CDKL5: variants seen among roughly 807,000 people sequenced by gnomAD.
The protein encoded by CDKL5 is cyclin-dependent kinase-like 5.
CDKL5 carries 8 observed loss-of-function variants against 61.7 expected under a neutral mutation model. The ratio of observed to expected loss-of-function variants is 0.13; its 90% CI spans 0.08 to 0.23. The LOEUF (loss-of-function observed/expected upper bound fraction) is 0.23. CDKL5 is among the 10% of genes least tolerant of loss of function. The pLI is 1.00. For missense variants in CDKL5, 440 were observed against 734.5 expected (o/e 0.60, Z 4.63); for synonymous variants, 275 against 272.3 (o/e 1.01, Z -0.10).
chrX:18,570,643 G>A (rs1283660137), intron 4 of CDKL5, among the ~76,000 whole-genome samples: 1 of 111,630 alleles, frequency 9.0e-6, no homozygotes, highest in East Asian at 2.8e-4. Context: ...TCAGGTTTGT[G>A]ATTTCACAAA....
chrX:18,607,110 G>A (rs1941783042), intron 12 of CDKL5, among the ~76,000 whole-genome samples: 1 of 111,752 alleles, frequency 8.9e-6, no homozygotes, highest in Non-Finnish European at 1.9e-5. Context: ...GGGATTATGA[G>A]GCAAGCTCCA....
At chrX:18,607,388 G>A (rs1468148518) in intron 12 of CDKL5, among the ~76,000 whole-genome samples, 1 of 112,113 alleles carries the variant, frequency 8.9e-6, no homozygotes, top group African/African-American at 3.2e-5. Flanking sequence ...ACATGGAAGG[G>A]AAAATTGGGT....
At chrX:18,452,112 A>G (rs145155759) in intron 1 of CDKL5, among the ~76,000 whole-genome samples, 2,403 of 111,917 alleles carry the variant, frequency 0.021, 51 homozygotes, top group African/African-American at 0.062. Flanking sequence ...GGATGATTGT[A>G]TTAATAGATT....
chrX:18,593,615 G>C (rs1925896791), intron 9 of CDKL5, among the ~76,000 whole-genome samples: 1 of 111,519 alleles, frequency 9.0e-6, no homozygotes, highest in African/African-American at 3.3e-5. Flanking sequence ...ACAAGACTGG[G>C]TGCAAATACT....
chrX:18,623,012 A>G (rs1162091602), intron 16 of CDKL5, among the ~76,000 whole-genome samples: 1 of 112,019 alleles, frequency 8.9e-6, no homozygotes, highest in Non-Finnish European at 1.9e-5. Flanking sequence ...GACAATTGAG[A>G]TATCCAAAAC....
At chrX:18,540,635 A>ATTCTTTTCTTTTCTTTT (rs971813395) in intron 3 of CDKL5, among the ~76,000 whole-genome samples, 1 of 109,972 alleles carries the variant, frequency 9.1e-6, no homozygotes, top group Non-Finnish European at 1.9e-5. Flanking sequence ...CTGATTGACA[A>ATTCTTTTCTTTTCTTTT]TTCTTTTCTT....
exon 21 of CDKL5, chrX:18,650,570 C>T (rs765366935): frequency 2.5e-6 from 3 of 1,212,299 alleles, no homozygotes; most frequent in Non-Finnish European, 3.3e-6. Flanking sequence ...CTGATGCTTT[C>T]AGCTGCCCAA....
chrX:18,518,385 C>CCTATTTTTTTT (rs1923106104), intron 3 of CDKL5, among the ~76,000 whole-genome samples: 1 of 22,794 alleles, frequency 4.4e-5, no homozygotes, highest in African/African-American at 1.5e-4. Flanking sequence ...CTTTTCTTTT[C>CCTATTTTTTTT]TTATTTTTTT....
intron 1 of CDKL5, among the ~76,000 whole-genome samples, chrX:18,506,704 C>G (rs1206081131): frequency 9.0e-6 from 1 of 111,584 alleles, no homozygotes; most frequent in South Asian, 3.7e-4. Context: ...TTCATTTGTC[C>G]TTGTCCCCAA....
chrX:18,533,074 AT>A (rs999623724), intron 3 of CDKL5, among the ~76,000 whole-genome samples: 37 of 111,385 alleles, frequency 3.3e-4, no homozygotes, highest in Admixed American at 2.9e-3. Flanking sequence ...ATAGAATGTA[AT>A]TTTTTTTGTT....
chrX:18,588,134 T>C lies in CDKL5; in HGVS notation c.735T>C (p.His245=). Reference sequence around the variant, plus strand: ...TTTTCTACAGTAATCCTCGCTTCCATGGGCTCCGGGTAAGAGGTTTTGCTG... The same window carrying C: ...TTTTCTACAGTAATCCTCGCTTCCACGGGCTCCGGGTAAGAGGTTTTGCTG... ...MKLFYSNPRF[H]GLRFPAVNHP... is the part of the protein sequence containing the mutation. Residue 245 remains histidine, a synonymous_variant, in exon 9 of 18, where the codon CAT becomes CAC. Transcript: ENST00000623535. The C allele has an allele frequency of 8.3e-7, 1 of 1,209,176 alleles. No individual in the cohort carries two copies. Among genetic ancestry groups the C allele is most frequent in the Non-Finnish European group, 1.1e-6 (1 of 893,312 alleles).
At chrX:18,599,402 T>G (rs1192945523) in intron 11 of CDKL5, among the ~76,000 whole-genome samples, 6 of 112,572 alleles carry the variant, frequency 5.3e-5, no homozygotes, top group Non-Finnish European at 1.1e-4. Context: ...AGGAAATAGT[T>G]TCTCTCATCT....
At chrX:18,432,674 C>T (rs1430111246) in intron 1 of CDKL5, among the ~76,000 whole-genome samples, 2 of 103,181 alleles carry the variant, frequency 1.9e-5, no homozygotes, top group African/African-American at 7.2e-5. Context: ...GGTGTGATCA[C>T]GGCTCACTGC....
At chrX:18,587,746 A>G (rs942183646) in intron 8 of CDKL5, 2 of 437,190 alleles carry the variant, frequency 4.6e-6, no homozygotes, top group South Asian at 3.4e-5. Flanking sequence ...TATACTAACT[A>G]AATTGTTATT....
At chrX:18,543,070 C>G (rs1299681045) in intron 3 of CDKL5, among the ~76,000 whole-genome samples, 3 of 110,912 alleles carry the variant, frequency 2.7e-5, no homozygotes, top group Admixed American at 9.6e-5. Context: ...AACAGTGCCG[C>G]CTGCTTTCTC....
At chrX:18,548,447 C>T in intron 3 of CDKL5, among the ~76,000 whole-genome samples, 1 of 111,973 alleles carries the variant, frequency 8.9e-6, no homozygotes, top group Admixed American at 9.5e-5. Context: ...GGAGTTATTA[C>T]AAGCTTAACT....
At chrX:18,607,318 T>G (rs1926398195) in intron 12 of CDKL5, among the ~76,000 whole-genome samples, 1 of 111,574 alleles carries the variant, frequency 9.0e-6, no homozygotes, top group African/African-American at 3.3e-5. Context: ...CCTGAGGAGA[T>G]GCTGTCGGGA....
At chrX:18,596,062 C>T (rs17274260) in intron 10 of CDKL5, among the ~76,000 whole-genome samples, 2,479 of 111,325 alleles carry the variant, frequency 0.022, 67 homozygotes, top group East Asian at 0.18. Context: ...TTTCATATTT[C>T]TCCAGCTTTC....
chrX:18,539,958 T>G (rs1923964479), intron 3 of CDKL5, among the ~76,000 whole-genome samples: 1 of 112,072 alleles, frequency 8.9e-6, no homozygotes, highest in Admixed American at 9.4e-5. Context: ...TATATATGTC[T>G]TAAGTATTTC....
Sources: gnomAD v4.1 joint callset for allele counts (sites outside exome capture counted in the v4.1 genomes callset) on GRCh38, gnomAD v4.1.1 for gene constraint, MANE v1.5 for transcripts, NCBI Gene and HGNC (gene_info 2026-07-23, HGNC 2026-07-21) for gene names.